SLC22A12: variants seen among roughly 807,000 people sequenced by gnomAD.
SLC22A12 encodes the protein organic anion transporter 4-like protein.
SLC22A12 carries 56 observed loss-of-function variants against 52.7 expected under a neutral mutation model. That is an observed-to-expected ratio of 1.06 (90% CI 0.86 to 1.33). The LOEUF (loss-of-function observed/expected upper bound fraction) is 1.33, where lower values mean the gene tolerates loss of function less well. Among genes scored for constraint, SLC22A12 ranks in the 40% most tolerant of loss-of-function variants. The probability of loss-of-function intolerance (pLI) is 0.00; values close to 1 mark genes in which losing one functional copy is unlikely to be tolerated. For synonymous variants in SLC22A12, 337 were observed against 324.6 expected (o/e 1.04, Z -0.41); for missense variants, 683 against 741.5 (o/e 0.92, Z 0.92).
chr11:64,600,567 T>C, intron 8 of SLC22A12, 92 bp downstream of exon 8: 1 of 1,356,438 alleles, frequency 7.4e-7, no homozygotes, highest in Non-Finnish European at 1.0e-6. Flanking sequence ...GACCTAGATG[T>C]TCATGTCATG....
At chr11:64,595,947 GA>G (rs1732749759) in intron 4 of SLC22A12, among the ~76,000 whole-genome samples, 2 of 47,264 alleles carry the variant, frequency 4.2e-5, no homozygotes, top group Non-Finnish European at 1.5e-4. Flanking sequence ...TGGATGGATG[GA>G]TGGATGGATG....
Position 64,591,573 on chromosome 11 carries a change from T to C in SLC22A12, c.17T>C (p.Leu6Pro). 1 of 1,612,560 alleles carries C rather than the reference T, an allele frequency of 6.2e-7. No individual in the cohort carries two copies. Among genetic ancestry groups the C allele is most frequent in the Non-Finnish European group, 8.5e-7 (1 of 1,180,016 alleles). ...GTAGGTTCCATGGCATTTTCTGAAC[T>C]CCTGGACCTCGTGGGTGGCCTGGGC... MAFSELLDLVGGLGRF... is the reference protein window; with the variant it reads MAFSEPLDLVGGLGRF... The change falls in exon 1 of 10, where the codon CTC becomes CCC. Residue 6 changes from leucine (L) to proline (P), a missense_variant. By Grantham distance (98) the Leu-to-Pro change is moderately conservative. Transcript: ENST00000377574.
chr11:64,592,917 C>T, intron 2 of SLC22A12, 35 bp downstream of exon 2: 1 of 1,556,904 alleles, frequency 6.4e-7, no homozygotes, highest in Non-Finnish European at 8.8e-7. Context: ...TCCCAGTTCC[C>T]CTCACAACCC....
At chr11:64,595,437 T>G in intron 4 of SLC22A12, among the ~76,000 whole-genome samples, 1 of 137,786 alleles carries the variant, frequency 7.3e-6, no homozygotes, top group Non-Finnish European at 1.5e-5. Context: ...GATGGATGGA[T>G]GGATGATGGA....
chr11:64,601,407 G>A (rs1246487801), intron 9 of SLC22A12, 81 bp from the exon 10 acceptor site: 1 of 1,425,582 alleles, frequency 7.0e-7, no homozygotes, highest in Non-Finnish European at 9.8e-7. Context: ...GGCATTCCCT[G>A]GAGTCCTTGG....
At chr11:64,601,034 G>C in intron 9 of SLC22A12, 96 bp downstream of exon 9, 1 of 1,471,170 alleles carries the variant, frequency 6.8e-7, no homozygotes. Context: ...TGACAGAGGC[G>C]GAAGCAGAGG....
chr11:64,592,221 C>G (rs187404454), intron 1 of SLC22A12, among the ~76,000 whole-genome samples: 1 of 152,194 alleles, frequency 6.6e-6, no homozygotes, highest in Non-Finnish European at 1.5e-5. Flanking sequence ...GGACACTCAC[C>G]GGCCTCACCC....
At chr11:64,600,709 G>T (rs373852915) in intron 8 of SLC22A12, 26 bp from the exon 9 acceptor site, 2 of 1,602,816 alleles carry the variant, frequency 1.2e-6, no homozygotes, top group Non-Finnish European at 1.7e-6. Flanking sequence ...CAGACCAGGC[G>T]CTTATAGGTG....
intron 4 of SLC22A12, among the ~76,000 whole-genome samples, 190 bp from the exon 5 acceptor site, chr11:64,598,326 G>A (rs1383730890): frequency 6.6e-6 from 1 of 152,152 alleles, no homozygotes; most frequent in African/African-American, 2.4e-5. Flanking sequence ...GAGAAAGGCA[G>A]CAGAAGGGGT....
At position 64,595,059 on chromosome 11, in the gene SLC22A12, G is replaced by A. The variant is rs140181812; in HGVS notation, c.830+1256G>A. Among the ~76,000 whole-genome samples the A allele has an allele frequency of 7.4e-3, 933 of 125,590 alleles. 80 individuals carry two copies. The highest frequency in any genetic ancestry group is 0.042 in the East Asian group (94 of 2,238). The allele number at this position is 125,590 out of a possible 152,430, so 82.4% of individuals were successfully genotyped here. ...GGATGGATGGATGGGTGGATGGATG[G>A]ATGGATGGATGGATGGATAGATGGA... On this transcript the variant is annotated intron_variant, in intron 4 of 9. Transcript: ENST00000377574.
intron 7 of SLC22A12, 110 bp from the exon 8 acceptor site, chr11:64,600,257 A>G (rs2039409069): frequency 1.0e-5 from 9 of 889,892 alleles, no homozygotes; most frequent in Non-Finnish European, 1.3e-5. Flanking sequence ...ATGACTCCCA[A>G]ACATTTACAA....
intron 4 of SLC22A12, among the ~76,000 whole-genome samples, chr11:64,594,986 G>GAT (rs1213265139): frequency 1.7e-4 from 20 of 116,166 alleles, no homozygotes; most frequent in African/African-American, 1.1e-3. Context: ...TGGATGGATG[G>GAT]GTGGATGGAT....
intron 4 of SLC22A12, among the ~76,000 whole-genome samples, chr11:64,597,387 C>T (rs889458830): frequency 4.6e-5 from 7 of 152,136 alleles, no homozygotes; most frequent in African/African-American, 1.4e-4. Context: ...TCCAACTGCC[C>T]ACGTGACGGT....
chr11:64,598,417 G>A, intron 4 of SLC22A12, 99 bp from the exon 5 acceptor site: 1 of 1,519,956 alleles, frequency 6.6e-7, no homozygotes, highest in Non-Finnish European at 8.9e-7. Flanking sequence ...CTAAGCCTTG[G>A]GCCTGGAGCA....
chr11:64,597,998 C>T (rs370808427), intron 4 of SLC22A12, among the ~76,000 whole-genome samples: 2 of 152,094 alleles, frequency 1.3e-5, no homozygotes, highest in East Asian at 1.9e-4. Context: ...GCCTGAGCCC[C>T]GGGGTGGCTG....
intron 6 of SLC22A12, 99 bp from the exon 7 acceptor site, chr11:64,599,577 C>A (rs190434484): frequency 5.2e-6 from 4 of 771,476 alleles, no homozygotes; most frequent in South Asian, 3.4e-5. Flanking sequence ...AAGAGCAGCA[C>A]ACCCCCACCC....
rs755167444 is a variant in SLC22A12, at chr11:64,600,333, C to T, written c.1286-34C>T. On this transcript the variant is annotated intron_variant, in intron 7 of 9. Transcript: ENST00000377574. ...GAGCCCTCATCTGATCTTGGGCCCC[C>T]CACCAAGCTCACTAATCCCATCTCT... 5 of 1,519,066 alleles carry T rather than the reference C, an allele frequency of 3.3e-6. No homozygotes were observed. The South Asian group carries it at 5.9e-5, about 18-fold the overall frequency. The allele number at this position is 1,519,066 out of a possible 1,614,324, so 94.1% of individuals were successfully genotyped here.
In SLC22A12 at chr11:64,601,598, C is replaced by T. The variant is rs2039458112; in HGVS notation, c.*47C>T. 5 of 1,600,102 alleles carry T rather than the reference C, an allele frequency of 3.1e-6. No homozygotes were observed. The highest frequency in any genetic ancestry group is 4.3e-6 in the Non-Finnish European group (5 of 1,168,412). On this transcript the variant is annotated 3_prime_UTR_variant, in exon 10 of 10. Coordinates refer to ENST00000377574, the MANE Select transcript of SLC22A12 (RefSeq NM_144585.4). ...GGACGGTCAGAGGAAGAGACTTCTT[C>T]TGTTCTCTGGAGAAGGCAGGAGGAA...
At chr11:64,596,494 G>A (rs2039250715) in intron 4 of SLC22A12, among the ~76,000 whole-genome samples, 1 of 152,194 alleles carries the variant, frequency 6.6e-6, no homozygotes, top group African/African-American at 2.4e-5. Context: ...GCAGGGCTGA[G>A]CCTGGATCAT....
Sources: gnomAD v4.1 joint callset for allele counts (sites outside exome capture counted in the v4.1 genomes callset) on GRCh38, gnomAD v4.1.1 for gene constraint, MANE v1.5 for transcripts, NCBI Gene and HGNC (gene_info 2026-07-23, HGNC 2026-07-21) for gene names.